Variants in TCIM observed in about 807,000 individuals in gnomAD.
The protein encoded by TCIM is transcriptional and immune response regulator, also known as human thyroid cancer 1.
TCIM carries 5 observed loss-of-function variants against 7.0 expected under a neutral mutation model. That is an observed-to-expected ratio of 0.71 (90% CI 0.37 to 1.50). TCIM has a LOEUF of 1.50. Among genes scored for constraint, TCIM ranks in the 40% most tolerant of loss-of-function variants. The probability of loss-of-function intolerance (pLI) is 0.03; values close to 1 mark genes in which losing one functional copy is unlikely to be tolerated. For missense variants in TCIM, 137 were observed against 129.7 expected, an observed-to-expected ratio of 1.06 and a Z score of -0.27; for synonymous variants, 66 against 50.3, an observed-to-expected ratio of 1.31 and a Z score of -1.32.
chr8:40,153,724 C>T lies in TCIM; in HGVS notation c.192C>T (p.Ala64=), dbSNP rs1418151262. 6.2e-7 allele frequency: 1 copy of T among 1,614,078 alleles called. No homozygotes were observed. The highest frequency in any genetic ancestry group is 1.3e-5 in the African/African-American group (1 of 75,036). The change falls in exon 1 of 1, where the codon GCC becomes GCT. Residue 64 remains alanine (A), a synonymous_variant. Coordinates refer to ENST00000315792, the MANE Select transcript of TCIM (RefSeq NM_020130.5). Reference sequence around the variant, plus strand: ...GAGACAAGAAAGCAGAGGAGAGAGCCAAGATCATTTTTGCCATAGATCAAG... The same window carrying T: ...GAGACAAGAAAGCAGAGGAGAGAGCTAAGATCATTTTTGCCATAGATCAAG... ...NSGDKKAEER[A]KIIFAIDQDV...
rs567221762 is a variant in TCIM at position 40,154,303 on chromosome 8, A to G, written c.*450A>G. On this transcript the variant is annotated 3_prime_UTR_variant, in exon 1 of 1. Coordinates refer to ENST00000315792, the MANE Select transcript of TCIM (RefSeq NM_020130.5). ...GGGGAAGGGAGGAGGGAGAGGGAGGACAGGGAGAGAAAATACCATGCATAA... is the reference window on the plus strand; with the variant it reads ...GGGGAAGGGAGGAGGGAGAGGGAGGGCAGGGAGAGAAAATACCATGCATAA... 4.8e-6 allele frequency: 2 copies of G among 412,558 alleles called. No individual in the cohort carries two copies. The highest frequency in any genetic ancestry group is 3.6e-5 in the East Asian group (1 of 28,040). 25.6% of individuals were successfully genotyped at this position (412,558 alleles called of 1,614,324 possible). A position where few individuals can be genotyped will look rare whatever the true frequency, so the allele number is the denominator to read the frequency against.
Position 40,153,864 on chromosome 8 carries a change from A to G in TCIM, c.*11A>G, listed in dbSNP as rs1478208745. 5 of 1,602,044 alleles carry G rather than the reference A, an allele frequency of 3.1e-6. No homozygotes were observed. In the South Asian group the frequency reaches 5.6e-5, roughly 18 times the overall value. The stretch of plus-strand genomic sequence containing the variant: ...ATCAAAGTTCACTGAAGAGAAGAGG[A>G]TGGATAAGGACGTTATCCAAGAATG... On this transcript the variant is annotated 3_prime_UTR_variant, in exon 1 of 1. Transcript: ENST00000315792.
Position 40,154,046 on chromosome 8 carries a change from C to G in TCIM, c.*193C>G, listed in dbSNP as rs1374730798. 4 of 597,620 alleles carry G rather than the reference C, an allele frequency of 6.7e-6. No homozygotes were observed. The African/African-American group carries it at 7.4e-5, about 11-fold the overall frequency. 37.0% of individuals were successfully genotyped at this position (597,620 alleles called of 1,614,324 possible). A position where few individuals can be genotyped will look rare whatever the true frequency, so the allele number is the denominator to read the frequency against. ...ACAGACTGGTTACAAAGACTCCAAA[C>G]AATTTCATGCCCTGTGCTGTTACAG... On this transcript the variant is annotated 3_prime_UTR_variant, in exon 1 of 1. Coordinates refer to ENST00000315792, the MANE Select transcript of TCIM (RefSeq NM_020130.5).
chr8:40,153,939 T>A lies in TCIM; in HGVS notation c.*86T>A. ...GTGAGATTCTAACAGATGCAGCATTTTGCTGCTACCTTACAAGCTTCTCTT... is the reference window on the plus strand; with the variant it reads ...GTGAGATTCTAACAGATGCAGCATTATGCTGCTACCTTACAAGCTTCTCTT... On this transcript the variant is annotated 3_prime_UTR_variant, in exon 1 of 1. Transcript: ENST00000315792. The A allele has an allele frequency of 8.0e-7, 1 of 1,242,684 alleles. No individual in the cohort carries two copies. The highest frequency in any genetic ancestry group is 1.1e-6 in the Non-Finnish European group (1 of 884,652). The allele number at this position is 1,242,684 out of a possible 1,614,324, so 77.0% of individuals were successfully genotyped here. A position where few individuals can be genotyped will look rare whatever the true frequency, so the allele number is the denominator to read the frequency against.
chr8:40,155,212 G>T lies in TCIM; in HGVS notation c.*1359G>T, dbSNP rs1345327167. 6.0e-6 allele frequency: 1 copy of T among 166,966 alleles called. No homozygotes were observed. Among genetic ancestry groups the T allele is most frequent in the Admixed American group, 6.5e-5 (1 of 15,274 alleles). 10.3% of individuals were successfully genotyped at this position (166,966 alleles called of 1,614,324 possible). On this transcript the variant is annotated 3_prime_UTR_variant, in exon 1 of 1. Transcript: ENST00000315792. ...CTGAGTGATGACCAAGATTCTGTGT[G>T]TTACTACTGTTTGTTTAATAGGAAC...
In TCIM at chr8:40,153,796, A is replaced by T. The variant is rs754637937; in HGVS notation, c.264A>T (p.Thr88=). ...TRALMALKKR[T]KDKLFQFLKL... ...CCCTGATGGCCTTGAAGAAGAGGAC[A>T]AAAGACAAGCTTTTCCAGTTTCTGA... Residue 88 remains threonine, a synonymous_variant, in exon 1 of 1, where the codon ACA becomes ACT. Transcript: ENST00000315792. The T allele has an allele frequency of 6.2e-7, 1 of 1,614,064 alleles. No homozygotes were observed. Among genetic ancestry groups the T allele is most frequent in the Non-Finnish European group, 8.5e-7 (1 of 1,179,992 alleles).
In TCIM at chr8:40,153,982, G is replaced by T; in HGVS notation, c.*129G>T. The T allele has an allele frequency of 1.2e-6, 1 of 833,646 alleles. No homozygotes were observed. Among genetic ancestry groups the T allele is most frequent in the Non-Finnish European group, 1.9e-6 (1 of 528,696 alleles). 51.6% of individuals were successfully genotyped at this position (833,646 alleles called of 1,614,324 possible). A position where few individuals can be genotyped will look rare whatever the true frequency, so the allele number is the denominator to read the frequency against. Reference sequence around the variant, plus strand: ...CTTCTCTTCTGTCAGGACTCCAGAGGCTGGAAAGGGACCGGGACTGGAAAG... The same window carrying T: ...CTTCTCTTCTGTCAGGACTCCAGAGTCTGGAAAGGGACCGGGACTGGAAAG... On this transcript the variant is annotated 3_prime_UTR_variant, in exon 1 of 1. Coordinates refer to ENST00000315792, the MANE Select transcript of TCIM (RefSeq NM_020130.5).
Position 40,153,628 on chromosome 8 carries a change from T to C in TCIM, c.96T>C (p.Arg32=), listed in dbSNP as rs1804746079. The C allele has an allele frequency of 2.5e-6, 4 of 1,614,136 alleles. No individual in the cohort carries two copies. The highest frequency in any genetic ancestry group is 3.3e-5 in the Admixed American group (2 of 60,030). Residue 32 remains arginine, a synonymous_variant, in exon 1 of 1, where the codon CGT becomes CGC. Transcript: ENST00000315792. The part of the protein sequence containing the change: ...IHGYHFDTAS[R]KKAVGNIFEN... ...GCTACCACTTCGACACAGCCTCTCG[T>C]AAGAAAGCCGTGGGCAACATCTTTG...
rs1295428716 is a variant in TCIM, at chr8:40,153,786, A to G, written c.254A>G (p.Lys85Arg). 2 of 1,614,034 alleles carry G rather than the reference A, an allele frequency of 1.2e-6. No individual in the cohort carries two copies. Among genetic ancestry groups the G allele is most frequent in the African/African-American group, 2.7e-5 (2 of 74,936 alleles). Residue 85 changes from lysine (K) to arginine (R), a missense_variant, in exon 1 of 1, where the codon AAG becomes AGG. Physicochemically the swap from Lys to Arg is conservative, Grantham distance 26. Coordinates refer to ENST00000315792, the MANE Select transcript of TCIM (RefSeq NM_020130.5). ...AAAACGCGTGCCCTGATGGCCTTGA[A>G]GAAGAGGACAAAAGACAAGCTTTTC... ...EEKTRALMALKKRTKDKLFQF... is the reference protein window; with the variant it reads ...EEKTRALMALRKRTKDKLFQF...
In TCIM at chr8:40,153,794, A is replaced by G; in HGVS notation, c.262A>G (p.Thr88Ala). 1 of 1,614,014 alleles carries G rather than the reference A, an allele frequency of 6.2e-7. No individual in the cohort carries two copies. The highest frequency in any genetic ancestry group is 8.5e-7 in the Non-Finnish European group (1 of 1,179,982). Residue 88 changes from threonine (T) to alanine (A), a missense_variant, in exon 1 of 1, where the codon ACA becomes GCA. Coordinates refer to ENST00000315792, the MANE Select transcript of TCIM (RefSeq NM_020130.5). Reference sequence around the variant, plus strand: ...TGCCCTGATGGCCTTGAAGAAGAGGACAAAAGACAAGCTTTTCCAGTTTCT... The same window carrying G: ...TGCCCTGATGGCCTTGAAGAAGAGGGCAAAAGACAAGCTTTTCCAGTTTCT... ...TRALMALKKR[T>A]KDKLFQFLKL... is the part of the protein sequence containing the mutation.
chr8:40,153,900 G>C lies in TCIM; in HGVS notation c.*47G>C, dbSNP rs752166460. On this transcript the variant is annotated 3_prime_UTR_variant, in exon 1 of 1. Coordinates refer to ENST00000315792, the MANE Select transcript of TCIM (RefSeq NM_020130.5). ...CGTTATCCAAGAATGGACATTCAAA[G>C]ACCAAGTGAGTTTGTGAGATTCTAA... The C allele has an allele frequency of 4.7e-6, 7 of 1,502,314 alleles. No homozygotes were observed. In the South Asian group the frequency reaches 8.8e-5, roughly 19 times the overall value. 93.1% of individuals were successfully genotyped at this position (1,502,314 alleles called of 1,614,324 possible). A position where few individuals can be genotyped will look rare whatever the true frequency, so the allele number is the denominator to read the frequency against.
chr8:40,154,413 A>T lies in TCIM; in HGVS notation c.*560A>T, dbSNP rs1804763988. ...TATTGGTATAGATTTTTAGAAATCA[A>T]TAATTGATTATTTATTTGCACTTAT... is the stretch of plus-strand genomic sequence containing the variant. On this transcript the variant is annotated 3_prime_UTR_variant, in exon 1 of 1. Transcript: ENST00000315792. 5.0e-6 allele frequency: 2 copies of T among 400,368 alleles called. No individual in the cohort carries two copies. The highest frequency in any genetic ancestry group is 4.5e-5 in the Admixed American group (1 of 22,354). 24.8% of individuals were successfully genotyped at this position (400,368 alleles called of 1,614,324 possible).
chr8:40,155,292 A>G lies in TCIM; in HGVS notation c.*1439A>G, dbSNP rs1165933500. On this transcript the variant is annotated 3_prime_UTR_variant, in exon 1 of 1. Coordinates refer to ENST00000315792, the MANE Select transcript of TCIM (RefSeq NM_020130.5). ...TATTTCCCGTTAAAACTATAATAAA[A>G]TGTTTCTAGGACAGCATACGTAAAT... 6.0e-6 allele frequency: 1 copy of G among 166,658 alleles called. No individual in the cohort carries two copies. 10.3% of individuals were successfully genotyped at this position (166,658 alleles called of 1,614,324 possible).
Position 40,153,860 on chromosome 8 carries a change from G to C in TCIM, c.*7G>C. ...TTCCATCAAAGTTCACTGAAGAGAA[G>C]AGGATGGATAAGGACGTTATCCAAG... On this transcript the variant is annotated 3_prime_UTR_variant, in exon 1 of 1. Coordinates refer to ENST00000315792, the MANE Select transcript of TCIM (RefSeq NM_020130.5). 6.2e-7 allele frequency: 1 copy of C among 1,606,852 alleles called. No homozygotes were observed. The highest frequency in any genetic ancestry group is 8.5e-7 in the Non-Finnish European group (1 of 1,176,382).
chr8:40,153,531 C>T lies in TCIM; in HGVS notation c.-2C>T, dbSNP rs761246190. 3.7e-6 allele frequency: 6 copies of T among 1,604,408 alleles called. No homozygotes were observed. Among genetic ancestry groups the T allele is most frequent in the Non-Finnish European group, 5.1e-6 (6 of 1,174,652 alleles). ...GCTGAATTCCGGAAGATCCCCACAT[C>T]GATGAAAGCAAAGCGAAGCCACCAA... On this transcript the variant is annotated 5_prime_UTR_variant, in exon 1 of 1. Coordinates refer to ENST00000315792, the MANE Select transcript of TCIM (RefSeq NM_020130.5).
Position 40,153,731 on chromosome 8 carries a change from A to G in TCIM, c.199A>G (p.Ile67Val), listed in dbSNP as rs751117322. 6.2e-7 allele frequency: 1 copy of G among 1,614,128 alleles called. No individual in the cohort carries two copies. The highest frequency in any genetic ancestry group is 8.5e-7 in the Non-Finnish European group (1 of 1,180,022). ...GAAAGCAGAGGAGAGAGCCAAGATC[A>G]TTTTTGCCATAGATCAAGATGTGGA... ...DKKAEERAKI[I>V]FAIDQDVEEK... is the part of the protein sequence containing the mutation. Residue 67 changes from isoleucine (I) to valine (V), a missense_variant, in exon 1 of 1, where the codon ATT becomes GTT. Transcript: ENST00000315792.
Position 40,154,094 on chromosome 8 carries a change from A to G in TCIM, c.*241A>G. 1 of 529,848 alleles carries G rather than the reference A, an allele frequency of 1.9e-6. No individual in the cohort carries two copies. The highest frequency in any genetic ancestry group is 3.4e-6 in the Non-Finnish European group (1 of 295,322). The allele number at this position is 529,848 out of a possible 1,614,324, so 32.8% of individuals were successfully genotyped here. On this transcript the variant is annotated 3_prime_UTR_variant, in exon 1 of 1. Coordinates refer to ENST00000315792, the MANE Select transcript of TCIM (RefSeq NM_020130.5). The stretch of plus-strand genomic sequence containing the variant: ...CAGAGGAGAACAAAATGCTTTCAGC[A>G]AGGATTTGAAAACTCTTCCGTCCCT...
chr8:40,153,599 C>A lies in TCIM; in HGVS notation c.67C>A (p.His23Asn), dbSNP rs1459389657. 1.2e-6 allele frequency: 2 copies of A among 1,614,146 alleles called. No homozygotes were observed. The highest frequency in any genetic ancestry group is 1.7e-6 in the Non-Finnish European group (2 of 1,180,018). Residue 23 changes from histidine (H) to asparagine (N), a missense_variant, in exon 1 of 1, where the codon CAT (histidine) becomes AAT (asparagine). Physicochemically the swap from His to Asn is moderately conservative, Grantham distance 68. Coordinates refer to ENST00000315792, the MANE Select transcript of TCIM (RefSeq NM_020130.5). ...GTCGCTACGAGTCAGCCCATCCATC[C>A]ATGGCTACCACTTCGACACAGCCTC... The part of the protein sequence containing the change: ...STSLRVSPSI[H>N]GYHFDTASRK...
In TCIM at chr8:40,154,102, G is replaced by A. The variant is rs972241406; in HGVS notation, c.*249G>A. On this transcript the variant is annotated 3_prime_UTR_variant, in exon 1 of 1. Transcript: ENST00000315792. Reference sequence around the variant, plus strand: ...AACAAAATGCTTTCAGCAAGGATTTGAAAACTCTTCCGTCCCTGCAGGAAA... The same window carrying A: ...AACAAAATGCTTTCAGCAAGGATTTAAAAACTCTTCCGTCCCTGCAGGAAA... 1.9e-6 allele frequency: 1 copy of A among 525,984 alleles called. No homozygotes were observed. The highest frequency in any genetic ancestry group is 3.6e-5 in the Admixed American group (1 of 28,092). 32.6% of individuals were successfully genotyped at this position (525,984 alleles called of 1,614,324 possible). A position where few individuals can be genotyped will look rare whatever the true frequency, so the allele number is the denominator to read the frequency against.
Sources: gnomAD v4.1 joint callset for allele counts on GRCh38, gnomAD v4.1.1 for gene constraint, MANE v1.5 for transcripts, NCBI Gene and HGNC (gene_info 2026-07-23, HGNC 2026-07-21) for gene names.